MGAT4C: variants seen among roughly 807,000 people sequenced by gnomAD.
MGAT4C encodes the protein MGAT4 family member C.
A neutral mutation model predicts 40.1 loss-of-function variants in MGAT4C; 19 were observed. The ratio of observed to expected loss-of-function variants is 0.47; its 90% CI spans 0.33 to 0.70. The LOEUF is 0.70. MGAT4C is among the 30% of genes least tolerant of loss of function. The pLI is 0.02. For missense variants in MGAT4C, 491 were observed against 563.2 expected (o/e 0.87, Z 1.30); for synonymous variants, 181 against 187.1 (o/e 0.97, Z 0.27).
At chr12:86,695,551 ATG>A (rs1950240875) in intron 2 of MGAT4C, among the ~76,000 whole-genome samples, 1 of 152,220 alleles carries the variant, frequency 6.6e-6, no homozygotes, top group Non-Finnish European at 1.5e-5. Flanking sequence ...AATAAAGAAA[ATG>A]TGGTGCATGT....
chr12:86,574,324 A>G (rs1203027202), intron 2 of MGAT4C, among the ~76,000 whole-genome samples: 2 of 151,770 alleles, frequency 1.3e-5, no homozygotes, highest in African/African-American at 4.8e-5. Flanking sequence ...ATCACTTTCC[A>G]TATTAAGATG....
intron 2 of MGAT4C, among the ~76,000 whole-genome samples, chr12:86,558,700 T>C (rs548783825): frequency 6.6e-6 from 1 of 151,850 alleles, no homozygotes; most frequent in African/African-American, 2.4e-5. Context: ...TCAAAACACA[T>C]GGAAGTGTAA....
At chr12:86,058,107 T>A (rs1167294499) in intron 1 of MGAT4C, among the ~76,000 whole-genome samples, 1 of 152,132 alleles carries the variant, frequency 6.6e-6, no homozygotes, top group Non-Finnish European at 1.5e-5. Context: ...GTGAATATTT[T>A]TTGTATCTAC....
intron 1 of MGAT4C, among the ~76,000 whole-genome samples, chr12:86,121,731 A>G (rs1279353095): frequency 6.6e-6 from 1 of 152,216 alleles, no homozygotes; most frequent in Non-Finnish European, 1.5e-5. Flanking sequence ...CTGCCTTACA[A>G]AAGCTCCTGA....
At chr12:86,290,813 G>A (rs1953491771) in intron 4 of MGAT4C, among the ~76,000 whole-genome samples, 1 of 151,974 alleles carries the variant, frequency 6.6e-6, no homozygotes, top group Admixed American at 6.6e-5. Context: ...TCAGTTTATA[G>A]GTCTAAAAGT....
intron 4 of MGAT4C, among the ~76,000 whole-genome samples, chr12:86,315,116 T>A (rs1954172411): frequency 6.6e-6 from 1 of 151,932 alleles, no homozygotes; most frequent in South Asian, 2.1e-4. Flanking sequence ...CAAACTATAC[T>A]ATAATGCCAC....
Position 86,044,571 on chromosome 12 carries a change from G to C in MGAT4C, c.-7+5103C>G, listed in dbSNP as rs546301086. Among the ~76,000 whole-genome samples the C allele has an allele frequency of 2.0e-5, 3 of 152,316 alleles. No individual in the cohort carries two copies. In the East Asian group the frequency reaches 5.8e-4, roughly 29 times the overall value. On this transcript the variant is annotated intron_variant, in intron 2 of 4. Transcript: ENST00000611864. ...CAGTGGGGTGAGTGACAGTGGGCAA[G>C]TGAGTGCTGGCAAAGCAGCATGGGG...
chr12:86,621,300 G>T (rs1031899151), intron 2 of MGAT4C, among the ~76,000 whole-genome samples: 1 of 151,954 alleles, frequency 6.6e-6, no homozygotes, highest in African/African-American at 2.4e-5. Context: ...ATAGACATCT[G>T]GACAAAATAC....
intron 1 of MGAT4C, among the ~76,000 whole-genome samples, chr12:86,751,470 A>G (rs1367705564): frequency 6.6e-6 from 1 of 151,970 alleles, no homozygotes; most frequent in Non-Finnish European, 1.5e-5. Context: ...ACAAGTAAAA[A>G]CTATTGAAAT....
At chr12:86,797,200 C>A (rs1339712303) in intron 1 of MGAT4C, among the ~76,000 whole-genome samples, 1 of 151,798 alleles carries the variant, frequency 6.6e-6, no homozygotes, top group Non-Finnish European at 1.5e-5. Flanking sequence ...ATTTTTATCC[C>A]TTTTGTTTAT....
intron 2 of MGAT4C, among the ~76,000 whole-genome samples, chr12:86,700,192 G>T (rs964325566): frequency 4.9e-5 from 7 of 141,600 alleles, no homozygotes; most frequent in Non-Finnish European, 1.1e-4. Context: ...TAGATAGATA[G>T]ATAGATAGAT....
intron 2 of MGAT4C, among the ~76,000 whole-genome samples, chr12:86,523,784 A>G (rs941049638): frequency 2.0e-5 from 3 of 152,160 alleles, no homozygotes; most frequent in African/African-American, 7.2e-5. Context: ...TTGGATGCAT[A>G]TATATTTAGG....
chr12:86,784,041 CT>C (rs567453410), intron 1 of MGAT4C, among the ~76,000 whole-genome samples: 17 of 152,096 alleles, frequency 1.1e-4, no homozygotes, highest in Non-Finnish European at 2.1e-4. Flanking sequence ...AGGTCTTGAA[CT>C]TTTGGTCTGC....
At chr12:86,015,193 AAAT>A (rs1438770815) in intron 2 of MGAT4C, among the ~76,000 whole-genome samples, 1 of 151,758 alleles carries the variant, frequency 6.6e-6, no homozygotes, top group Non-Finnish European at 1.5e-5. Context: ...TGGTTACATT[AAAT>A]AATAATAAGG....
chr12:86,787,285 C>T lies in MGAT4C; in HGVS notation c.-262+51381G>A, dbSNP rs2136189391. Among the ~76,000 whole-genome samples the T allele has an allele frequency of 2.0e-5, 3 of 152,064 alleles. No individual in the cohort carries two copies. The Middle Eastern group carries it at 0.01, about 517-fold the overall frequency. ...TGACTTATCTCACTTAAGATAATGA[C>T]AAGTTCCATCCACATTGCCTCAAAA... On this transcript the variant is annotated intron_variant, in intron 1 of 7. Coordinates refer to the MGAT4C transcript ENST00000548651.
intron 4 of MGAT4C, among the ~76,000 whole-genome samples, chr12:86,289,356 G>A (rs1309555784): frequency 6.6e-6 from 1 of 151,768 alleles, no homozygotes; most frequent in African/African-American, 2.4e-5. Context: ...CTCGGGCTGT[G>A]TTCTTTTTGC....
rs543278156 is a variant in MGAT4C, at chr12:86,374,085, A to C, written c.-119-39958T>G. Among the ~76,000 whole-genome samples, 4 of 152,218 alleles carry C rather than the reference A, an allele frequency of 2.6e-5. No homozygotes were observed. The South Asian group carries it at 8.3e-4, about 32-fold the overall frequency. On this transcript the variant is annotated intron_variant, in intron 3 of 7. Coordinates refer to the MGAT4C transcript ENST00000548651. ...GAATCGAGATGTTTGTAGGTTATTT[A>C]GCCTATCTAATGGCTTCTCTGTGGA...
chr12:86,623,225 C>T (rs1449171035), intron 2 of MGAT4C, among the ~76,000 whole-genome samples: 1 of 152,058 alleles, frequency 6.6e-6, no homozygotes, highest in African/African-American at 2.4e-5. Context: ...ATATAAACAT[C>T]ATAGATCAGG....
chr12:86,129,544 C>CTTTT (rs751908017), intron 1 of MGAT4C, among the ~76,000 whole-genome samples: 221 of 15,076 alleles, frequency 0.015, 81 homozygotes, highest in African/African-American at 0.041. Flanking sequence ...CTTACACAAT[C>CTTTT]TTTTTTTTTT....
Sources: gnomAD v4.1 joint callset for allele counts (sites outside exome capture counted in the v4.1 genomes callset) on GRCh38, gnomAD v4.1.1 for gene constraint, MANE v1.5 for transcripts, NCBI Gene and HGNC (gene_info 2026-07-23, HGNC 2026-07-21) for gene names.